The following PLBD2 variants were observed in gnomAD, a reference collection of about 807,000 sequenced individuals.
PLBD2 encodes the protein putative aminopeptidase PLBD2.
In PLBD2, 51 loss-of-function variants were observed where a neutral mutation model predicts 68.3. The ratio of observed to expected loss-of-function variants is 0.75; its 90% CI spans 0.60 to 0.94. The LOEUF (loss-of-function observed/expected upper bound fraction) is 0.94, where lower values mean the gene tolerates loss of function less well. Ranked by LOEUF, PLBD2 falls within the 40% of genes least tolerant of loss-of-function variation. The pLI is 0.00. For synonymous variants in PLBD2, 314 were observed against 339.3 expected (o/e 0.93, Z 0.82); for missense variants, 729 against 792.2 (o/e 0.92, Z 0.96).
chr12:113,374,621 A>G, intron 4 of PLBD2, 47 bp downstream of exon 4: 4 of 1,512,518 alleles, frequency 2.6e-6, no homozygotes, highest in East Asian at 2.4e-5. Flanking sequence ...AGGGCCACAC[A>G]CTCATAGTCG....
At chr12:113,374,753 A>T in intron 4 of PLBD2, 40 bp from the exon 5 acceptor site, 1 of 1,605,638 alleles carries the variant, frequency 6.2e-7, no homozygotes, top group Non-Finnish European at 8.5e-7. Context: ...CAGCACTCAC[A>T]GCAGGCGTGG....
intron 6 of PLBD2, among the ~76,000 whole-genome samples, chr12:113,383,046 G>C (rs1272159216): frequency 1.3e-5 from 2 of 151,960 alleles, no homozygotes; most frequent in Non-Finnish European, 2.9e-5. Flanking sequence ...TAACTCACAA[G>C]AACTAAGCTT....
At chr12:113,362,951 ATTT>A (rs397850121) in intron 1 of PLBD2, among the ~76,000 whole-genome samples, 5 of 140,710 alleles carry the variant, frequency 3.6e-5, no homozygotes, top group African/African-American at 7.8e-5. Flanking sequence ...TACCCAGCTA[ATTT>A]TTTTTTTTTT....
intron 8 of PLBD2, 120 bp from the exon 9 acceptor site, chr12:113,385,092 A>C: frequency 7.5e-7 from 1 of 1,325,318 alleles, no homozygotes; most frequent in Non-Finnish European, 1.1e-6. Context: ...TGGGGGCTGA[A>C]GTTCAGGACT....
At chr12:113,364,072 T>A (rs557304107) in intron 1 of PLBD2, among the ~76,000 whole-genome samples, 2 of 152,256 alleles carry the variant, frequency 1.3e-5, no homozygotes, top group Non-Finnish European at 2.9e-5. Context: ...ATGATGGGTG[T>A]TTCGGGAAGG....
At chr12:113,364,920 A>G (rs1301804445) in intron 1 of PLBD2, among the ~76,000 whole-genome samples, 3 of 152,190 alleles carry the variant, frequency 2.0e-5, no homozygotes, top group African/African-American at 7.2e-5. Context: ...CCAAAGGTAC[A>G]CAACCAGTAA....
intron 1 of PLBD2, 88 bp downstream of exon 1, chr12:113,358,978 T>C: frequency 2.2e-6 from 3 of 1,367,794 alleles, no homozygotes; most frequent in Non-Finnish European, 2.9e-6. Context: ...ACCGGCCTCT[T>C]GCCGGGTGGG....
At chr12:113,359,315 G>A (rs973352803) in intron 1 of PLBD2, 20 of 164,870 alleles carry the variant, frequency 1.2e-4, no homozygotes, top group Non-Finnish European at 2.1e-4. Flanking sequence ...AACTCAGCAG[G>A]AGACTAATTC....
At chr12:113,382,837 G>T (rs112260679) in intron 6 of PLBD2, among the ~76,000 whole-genome samples, 1,645 of 78,396 alleles carry the variant, frequency 0.021, 12 homozygotes, top group East Asian at 0.039. Context: ...GTGGTTTTTT[G>T]TGTGTGTGTG....
chr12:113,382,859 GTGTGTGTGTTTTT>G (rs1230108471), intron 6 of PLBD2, among the ~76,000 whole-genome samples: 99 of 130,840 alleles, frequency 7.6e-4, no homozygotes, highest in Middle Eastern at 4.0e-3. Context: ...GTGTGTGTGT[GTGTGTGTGTTTTT>G]TTTTTTTTTT....
intron 11 of PLBD2, 97 bp from the exon 12 acceptor site, chr12:113,388,362 A>G (rs1260508517): frequency 8.1e-7 from 1 of 1,227,552 alleles, no homozygotes; most frequent in Non-Finnish European, 1.1e-6. Context: ...GACAGTTCAG[A>G]ATTGGGCTCT....
rs1957523953 is a variant in PLBD2 at position 113,384,146 on chromosome 12, G to A, written c.999G>A (p.Leu333=). The change falls in exon 7 of 12, where the codon CTG becomes CTA. Residue 333 remains leucine, a synonymous_variant. Transcript: ENST00000280800. This position sits in a 1 kb window ranked among gnomAD's most constrained non-coding sequence, Gnocchi z 4.2. The part of the protein sequence containing the change: ...ETTIGNKNPA[L]WKYVRPRGCV... ...CCATTGGCAACAAGAACCCAGCCCTGTGGAAGTATGTGCGGCCCAGGGGCT... is the reference window on the plus strand; with the variant it reads ...CCATTGGCAACAAGAACCCAGCCCTATGGAAGTATGTGCGGCCCAGGGGCT... The A allele has an allele frequency of 1.2e-6, 2 of 1,613,622 alleles. No individual in the cohort carries two copies. Among genetic ancestry groups the A allele is most frequent in the Non-Finnish European group, 1.7e-6 (2 of 1,179,814 alleles).
In PLBD2 at chr12:113,389,925, C is replaced by T. The variant is rs1461530437; in HGVS notation, c.*1299C>T. The T allele has an allele frequency of 2.6e-5, 4 of 152,088 alleles. No individual in the cohort carries two copies. The highest frequency in any genetic ancestry group is 2.6e-4 in the Admixed American group (4 of 15,252). 9.4% of individuals were successfully genotyped at this position (152,088 alleles called of 1,614,324 possible). On this transcript the variant is annotated 3_prime_UTR_variant, in exon 12 of 12. Coordinates refer to ENST00000280800, the MANE Select transcript of PLBD2 (RefSeq NM_173542.4). ...TTCACCATGTTGGCCAGGCTGGTCT[C>T]GAACTCCTGGCCTCAAGTGATCCGC...
In PLBD2 at chr12:113,374,902, C is replaced by G; in HGVS notation, c.754C>G (p.Pro252Ala). ...CTGTTCTGCCCTCATCAAGCTGCTC[C>G]CTGGCCAGAGTGACCTCCTGGTTGC... ...GSCSALIKLL[P>A]GQSDLLVAHN... is the part of the protein sequence containing the mutation. The change falls in exon 5 of 12, where the codon CCT becomes GCT. Residue 252 changes from proline (P) to alanine (A), a missense_variant. Pro to Ala is a conservative substitution (Grantham distance 27, BLOSUM62 -1). Transcript: ENST00000280800. 2 of 1,614,136 alleles carry G rather than the reference C, an allele frequency of 1.2e-6. No homozygotes were observed. Among genetic ancestry groups the G allele is most frequent in the Non-Finnish European group, 1.7e-6 (2 of 1,180,036 alleles).
rs1353938575 is a variant in PLBD2, at chr12:113,372,588, C to T, written c.385-61C>T. 1 of 1,558,738 alleles carries T rather than the reference C, an allele frequency of 6.4e-7. No individual in the cohort carries two copies. Among genetic ancestry groups the T allele is most frequent in the Non-Finnish European group, 8.7e-7 (1 of 1,144,394 alleles). On this transcript the variant is annotated intron_variant, in intron 2 of 11. Transcript: ENST00000280800. The surrounding 1 kb of genome is among the most constrained non-coding windows in gnomAD (Gnocchi z 4.2). ...GCTCTGGGGCAGCCTGGGTGGGGGG[C>T]TCTCAGGGAAGAGAGCACCCCAGCT...
intron 5 of PLBD2, among the ~76,000 whole-genome samples, chr12:113,376,190 G>T (rs1374841865): frequency 8.4e-6 from 1 of 118,846 alleles, no homozygotes; most frequent in African/African-American, 3.3e-5. Flanking sequence ...TTGAGACAGA[G>T]TCTTGTTCTG....
At chr12:113,360,455 T>C (rs906652129) in intron 1 of PLBD2, among the ~76,000 whole-genome samples, 10 of 152,176 alleles carry the variant, frequency 6.6e-5, no homozygotes, top group Non-Finnish European at 1.2e-4. Flanking sequence ...GCTGTGTTGC[T>C]CTTGACTATG....
intron 6 of PLBD2, among the ~76,000 whole-genome samples, chr12:113,382,690 C>G (rs546619318): frequency 6.6e-6 from 1 of 151,872 alleles, no homozygotes; most frequent in African/African-American, 2.4e-5. Flanking sequence ...CAATCTGACC[C>G]CCTTGGCCTC....
intron 1 of PLBD2, among the ~76,000 whole-genome samples, chr12:113,361,347 T>G (rs1468154582): frequency 7.7e-4 from 112 of 146,246 alleles, no homozygotes; most frequent in Middle Eastern, 6.9e-3. Flanking sequence ...TTTTGTTTTT[T>G]TTTTTTTTTT....
Sources: allele counts gnomAD v4.1 joint callset (sites outside exome capture counted in the v4.1 genomes callset), GRCh38; gene constraint gnomAD v4.1.1; non-coding constraint Gnocchi (gnomAD v3.1); transcripts MANE v1.5; gene names NCBI Gene and HGNC (gene_info 2026-07-23, HGNC 2026-07-21).